AOC1: variants seen among roughly 807,000 people sequenced by gnomAD.
AOC1 encodes amine oxidase copper containing 1, also known as diamine oxidase [copper-containing].
In AOC1, 58 loss-of-function variants were observed where a neutral mutation model predicts 57.1. The ratio of observed to expected loss-of-function variants is 1.02; its 90% confidence interval spans 0.82 to 1.26. The LOEUF (loss-of-function observed/expected upper bound fraction) is 1.26, where lower values mean the gene tolerates loss of function less well. Among genes scored for constraint, AOC1 ranks in the 50% most tolerant of loss-of-function variants. The pLI, the probability that AOC1 is intolerant of heterozygous loss-of-function variation, is 0.00. For missense variants in AOC1, 917 were observed against 1,005.3 expected (o/e 0.91, Z 1.19); for synonymous variants, 401 against 423.4 (o/e 0.95, Z 0.65).
In AOC1 at chr7:150,856,309, G is replaced by GCCCCATGCATAGT; in HGVS notation, c.-16-141_-16-140insTGCATAGTCCCCA. ...GACGGCGCTGGGGACTATGCATGGG[G>GCCCCATGCATAGT]CCCCAGCTGCCCCAGGACAGCCTCC... On this transcript the variant is annotated intron_variant, in intron 1 of 4. Coordinates refer to ENST00000360937, the MANE Select transcript of AOC1 (RefSeq NM_001091.4). This position sits in a 1 kb window ranked among gnomAD's most constrained non-coding sequence, Gnocchi z 5.2. The GCCCCATGCATAGT allele has an allele frequency of 1.9e-6, 2 of 1,053,988 alleles. No individual in the cohort carries two copies. Among genetic ancestry groups the GCCCCATGCATAGT allele is most frequent in the Non-Finnish European group, 2.7e-6 (2 of 750,670 alleles). The allele number at this position is 1,053,988 out of a possible 1,614,324, so 65.3% of individuals were successfully genotyped here. A position where few individuals can be genotyped will look rare whatever the true frequency, so the allele number is the denominator to read the frequency against.
Position 150,859,050 on chromosome 7 carries a change from T to C in AOC1, c.1856+2T>C. 6.4e-7 allele frequency: 1 copy of C among 1,556,460 alleles called. No homozygotes were observed. The highest frequency in any genetic ancestry group is 2.3e-5 in the East Asian group (1 of 43,850). On this transcript the variant is annotated splice_donor_variant, in intron 3 of 4. Coordinates refer to ENST00000360937, the MANE Select transcript of AOC1 (RefSeq NM_001091.4). LOFTEE classifies it high-confidence loss of function. ...GGAGCAGGCCATCACCTGGGCAAGGTGAGGAAGACCCAGGGGGCCTGGGGG... is the reference window on the plus strand; with the variant it reads ...GGAGCAGGCCATCACCTGGGCAAGGCGAGGAAGACCCAGGGGGCCTGGGGG...
Position 150,858,973 on chromosome 7 carries a change from G to A in AOC1, c.1781G>A (p.Arg594His), listed in dbSNP as rs199683227. 41 of 1,605,910 alleles carry A rather than the reference G, an allele frequency of 2.6e-5. No individual in the cohort carries two copies. The highest frequency in any genetic ancestry group is 1.3e-4 in the East Asian group (6 of 44,692). ...ENPWGHKRTY[R>H]LQIHSMADQV... ...CCCTGGGGCCACAAGCGCACGTACC[G>A]CCTGCAGATCCACTCCATGGCCGAC... The change falls in exon 3 of 5, where the codon CGC becomes CAC. Residue 594 changes from arginine to histidine, a missense_variant. Transcript: ENST00000360937.
At position 150,856,646 on chromosome 7, in the gene AOC1, C is replaced by T. The variant is rs1194587300; in HGVS notation, c.176C>T (p.Ser59Phe). 3 of 1,614,164 alleles carry T rather than the reference C, an allele frequency of 1.9e-6. No homozygotes were observed. The highest frequency in any genetic ancestry group is 2.5e-6 in the Non-Finnish European group (3 of 1,179,996). ...AAGAAGGAGCTGAGGCTGCAGCCCT[C>T]CAGTACCACCACCATGGCCAAGAAC... ...WSKKELRLQP[S>F]STTTMAKNTV... The change falls in exon 2 of 5, where the codon TCC (serine) becomes TTC (phenylalanine). Residue 59 changes from serine (S) to phenylalanine (F), a missense_variant. Transcript: ENST00000360937. This position sits in a 1 kb window ranked among gnomAD's most constrained non-coding sequence, Gnocchi z 5.2.
rs756664341 is a variant in AOC1 at position 150,856,603 on chromosome 7, C to A, written c.133C>A (p.His45Asn). 7.4e-6 allele frequency: 12 copies of A among 1,614,152 alleles called. 1 individual carries two copies. The Middle Eastern group carries it at 4.9e-4, about 67-fold the overall frequency. ...AAGCAACCAAGAGCTGAAGGCAGTGCACAGCTTCCTCTGGTCCAAGAAGGA... is the reference window on the plus strand; with the variant it reads ...AAGCAACCAAGAGCTGAAGGCAGTGAACAGCTTCCTCTGGTCCAAGAAGGA... ...DLSNQELKAV[H>N]SFLWSKKELR... The change falls in exon 2 of 5, where the codon CAC (histidine) becomes AAC (asparagine). Residue 45 changes from histidine (H) to asparagine (N), a missense_variant. By Grantham distance (68) the His-to-Asn change is moderately conservative. Coordinates refer to ENST00000360937, the MANE Select transcript of AOC1 (RefSeq NM_001091.4). The surrounding 1 kb of genome is among the most constrained non-coding windows in gnomAD (Gnocchi z 5.2).
chr7:150,858,672 T>G, intron 2 of AOC1, 91 bp from the exon 3 acceptor site: 4 of 1,341,838 alleles, frequency 3.0e-6, no homozygotes, highest in Non-Finnish European at 3.1e-6. Context: ...GGCTGTTGGA[T>G]GTGGTGGAGG....
chr7:150,860,987 C>A lies in AOC1; in HGVS notation c.2034C>A (p.His678Gln). 6.2e-7 allele frequency: 1 copy of A among 1,614,002 alleles called. No homozygotes were observed. The highest frequency in any genetic ancestry group is 8.5e-7 in the Non-Finnish European group (1 of 1,179,974). Residue 678 changes from histidine to glutamine, a missense_variant, in exon 5 of 5, where the codon CAC becomes CAA. Physicochemically the swap from His to Gln is conservative, Grantham distance 24. Transcript: ENST00000360937. ...CGGTGGGCTTCCTGCACATCCCCCACTCAGAGGACATTCCCAACACAGCCA... is the reference window on the plus strand; with the variant it reads ...CGGTGGGCTTCCTGCACATCCCCCAATCAGAGGACATTCCCAACACAGCCA... ...WVTVGFLHIP[H>Q]SEDIPNTATP... is the part of the protein sequence containing the mutation.
intron 2 of AOC1, among the ~76,000 whole-genome samples, chr7:150,858,394 C>A (rs1799859791): frequency 6.6e-6 from 1 of 152,072 alleles, no homozygotes. Flanking sequence ...ATGATATCAC[C>A]ATAAAAGAAT....
Position 150,861,264 on chromosome 7 carries a change from G to A in AOC1, c.*55G>A. On this transcript the variant is annotated 3_prime_UTR_variant, in exon 5 of 5. Coordinates refer to ENST00000360937, the MANE Select transcript of AOC1 (RefSeq NM_001091.4). The surrounding 1 kb of genome is among the most constrained non-coding windows in gnomAD (Gnocchi z 4.5). ...CCAGGAAGCCCAGGAGCCTCACTGG[G>A]GCAGACAATAAACCCTCAGAGCCTC... is the stretch of plus-strand genomic sequence containing the variant. 5 of 1,510,714 alleles carry A rather than the reference G, an allele frequency of 3.3e-6. No homozygotes were observed. The highest frequency in any genetic ancestry group is 1.3e-5 in the South Asian group (1 of 76,376). The allele number at this position is 1,510,714 out of a possible 1,614,324, so 93.6% of individuals were successfully genotyped here. A position where few individuals can be genotyped will look rare whatever the true frequency, so the allele number is the denominator to read the frequency against.
chr7:150,853,684 TATATATA>T (rs1563087072), intron 1 of AOC1, among the ~76,000 whole-genome samples: 27 of 92,540 alleles, frequency 2.9e-4, no homozygotes, highest in Admixed American at 5.5e-4. Context: ...TATATATATA[TATATATA>T]TATATATTTA....
chr7:150,855,661 T>C (rs1005597587), intron 1 of AOC1, among the ~76,000 whole-genome samples: 1 of 152,180 alleles, frequency 6.6e-6, no homozygotes, highest in Non-Finnish European at 1.5e-5. Flanking sequence ...CCCAAAGCCA[T>C]CAGTCTGCAG....
In AOC1 at chr7:150,857,791, T is replaced by C. The variant is rs529680843; in HGVS notation, c.1321T>C (p.Phe441Leu). 54 of 1,614,170 alleles carry C rather than the reference T, an allele frequency of 3.3e-5. No homozygotes were observed. The South Asian group carries it at 5.8e-4, about 17-fold the overall frequency. The change falls in exon 2 of 5, where the codon TTC (phenylalanine) becomes CTC (leucine). Residue 441 changes from phenylalanine (F) to leucine (L), a missense_variant. Physicochemically the swap from Phe to Leu is conservative, Grantham distance 22. Coordinates refer to ENST00000360937, the MANE Select transcript of AOC1 (RefSeq NM_001091.4). This position sits in a 1 kb window ranked among gnomAD's most constrained non-coding sequence, Gnocchi z 6.6. ...FNSNFKGGFN[F>L]YAGLKGQVLV... ...TTCCAACTTTAAAGGTGGCTTCAAC[T>C]TCTATGCGGGGCTGAAGGGCCAGGT...
rs369957891 is a variant in AOC1 at position 150,856,602 on chromosome 7, G to A, written c.132G>A (p.Val44=). 10 of 1,614,016 alleles carry A rather than the reference G, an allele frequency of 6.2e-6. No individual in the cohort carries two copies. The African/African-American group carries it at 1.1e-4, about 17-fold the overall frequency. Residue 44 remains valine, a synonymous_variant, in exon 2 of 5, where the codon GTG becomes GTA. Transcript: ENST00000360937. The surrounding 1 kb of genome is among the most constrained non-coding windows in gnomAD (Gnocchi z 5.2). ...SDLSNQELKA[V]HSFLWSKKEL... Reference sequence around the variant, plus strand: ...TAAGCAACCAAGAGCTGAAGGCAGTGCACAGCTTCCTCTGGTCCAAGAAGG... The same window carrying A: ...TAAGCAACCAAGAGCTGAAGGCAGTACACAGCTTCCTCTGGTCCAAGAAGG...
At position 150,861,263 on chromosome 7, in the gene AOC1, G is replaced by C; in HGVS notation, c.*54G>C. 1 of 1,511,424 alleles carries C rather than the reference G, an allele frequency of 6.6e-7. No homozygotes were observed. The highest frequency in any genetic ancestry group is 8.9e-7 in the Non-Finnish European group (1 of 1,125,024). 93.6% of individuals were successfully genotyped at this position (1,511,424 alleles called of 1,614,324 possible). A position where few individuals can be genotyped will look rare whatever the true frequency, so the allele number is the denominator to read the frequency against. On this transcript the variant is annotated 3_prime_UTR_variant, in exon 5 of 5. Coordinates refer to ENST00000360937, the MANE Select transcript of AOC1 (RefSeq NM_001091.4). The surrounding 1 kb of genome is among the most constrained non-coding windows in gnomAD (Gnocchi z 4.5). The stretch of plus-strand genomic sequence containing the variant: ...CCCAGGAAGCCCAGGAGCCTCACTG[G>C]GGCAGACAATAAACCCTCAGAGCCT...
At position 150,861,107 on chromosome 7, in the gene AOC1, T is replaced by A. The variant is rs1381329767; in HGVS notation, c.2154T>A (p.Pro718=). 3 of 1,614,036 alleles carry A rather than the reference T, an allele frequency of 1.9e-6. No individual in the cohort carries two copies. Among genetic ancestry groups the A allele is most frequent in the Non-Finnish European group, 2.5e-6 (3 of 1,180,008 alleles). ...CCAGAGACACTGTGATCGTGTGGCC[T>A]CGGGACAACGGCCCCAACTACGTCC... is the stretch of plus-strand genomic sequence containing the variant. ...LASRDTVIVW[P]RDNGPNYVQR... Residue 718 remains proline, a synonymous_variant, in exon 5 of 5, where the codon CCT becomes CCA. Coordinates refer to ENST00000360937, the MANE Select transcript of AOC1 (RefSeq NM_001091.4). This position sits in a 1 kb window ranked among gnomAD's most constrained non-coding sequence, Gnocchi z 4.5.
Position 150,856,054 on chromosome 7 carries a change from A to C in AOC1, c.-16-401A>C, listed in dbSNP as rs1038394997. Among the ~76,000 whole-genome samples, 50 of 152,108 alleles carry C rather than the reference A, an allele frequency of 3.3e-4. No homozygotes were observed. Among genetic ancestry groups the C allele is most frequent in the African/African-American group, 1.2e-3 (49 of 41,438 alleles). On this transcript the variant is annotated intron_variant, in intron 1 of 4. Coordinates refer to ENST00000360937, the MANE Select transcript of AOC1 (RefSeq NM_001091.4). The surrounding 1 kb of genome is among the most constrained non-coding windows in gnomAD (Gnocchi z 5.2). ...CTAAAAGGTATTTCGTTGTGTCAGA[A>C]ATGTAGTTTTGCTGTTAATACAGGT...
Position 150,857,896 on chromosome 7 carries a change from G to A in AOC1, c.1426G>A (p.Glu476Lys). The change falls in exon 2 of 5, where the codon GAG becomes AAG. Residue 476 changes from glutamate (E) to lysine (K), a missense_variant. By Grantham distance (56) the Glu-to-Lys change is moderately conservative (BLOSUM62 1). Transcript: ENST00000360937. The surrounding 1 kb of genome is among the most constrained non-coding windows in gnomAD (Gnocchi z 6.6). ...TATCTTCTACCCCAACGGGGTGATGGAGGCCAAGATGCATGCCACTGGCTA... is the reference window on the plus strand; with the variant it reads ...TATCTTCTACCCCAACGGGGTGATGAAGGCCAAGATGCATGCCACTGGCTA... ...DFIFYPNGVM[E>K]AKMHATGYVH... is the part of the protein sequence containing the mutation. 1 of 1,613,598 alleles carries A rather than the reference G, an allele frequency of 6.2e-7. No homozygotes were observed. The highest frequency in any genetic ancestry group is 8.5e-7 in the Non-Finnish European group (1 of 1,179,720).
chr7:150,860,497 G>T lies in AOC1; in HGVS notation c.1857-4G>T, dbSNP rs369362976. On this transcript the variant is annotated splice_polypyrimidine_tract_variant and splice_region_variant and intron_variant, in intron 3 of 4. Transcript: ENST00000360937. ...AGCCAAGCTGCTTCGCCTGTGCCTG[G>T]CAGGTACCCCCTGGCAGTGACCAAG... is the stretch of plus-strand genomic sequence containing the variant. 3.2e-5 allele frequency: 52 copies of T among 1,613,886 alleles called. No individual in the cohort carries two copies. Among genetic ancestry groups the T allele is most frequent in the Middle Eastern group, 3.3e-4 (2 of 6,062 alleles).
At position 150,856,980 on chromosome 7, in the gene AOC1, A is replaced by T; in HGVS notation, c.510A>T (p.Thr170=). 1.2e-6 allele frequency: 2 copies of T among 1,614,138 alleles called. No homozygotes were observed. The highest frequency in any genetic ancestry group is 1.7e-6 in the Non-Finnish European group (2 of 1,179,980). Residue 170 remains threonine (T), a synonymous_variant, in exon 2 of 5, where the codon ACA becomes ACT. Transcript: ENST00000360937. The surrounding 1 kb of genome is among the most constrained non-coding windows in gnomAD (Gnocchi z 5.2). ...TGCATCAGTTCTTCCTCAATACCACAGGCTTCTCATTCCAAGACTGCCATG... is the reference window on the plus strand; with the variant it reads ...TGCATCAGTTCTTCCTCAATACCACTGGCTTCTCATTCCAAGACTGCCATG... ...KPLHQFFLNT[T]GFSFQDCHDR... is the part of the protein sequence containing the mutation.
In AOC1 at chr7:150,856,323, A is replaced by G; in HGVS notation, c.-16-132A>G. ...CTATGCATGGGGCCCCAGCTGCCCC[A>G]GGACAGCCTCCAGCTTGGGGCAGGG... On this transcript the variant is annotated intron_variant, in intron 1 of 4. Transcript: ENST00000360937. The surrounding 1 kb of genome is among the most constrained non-coding windows in gnomAD (Gnocchi z 5.2). The G allele has an allele frequency of 1.7e-6, 2 of 1,210,782 alleles. No individual in the cohort carries two copies. The highest frequency in any genetic ancestry group is 3.1e-5 in the South Asian group (2 of 63,508). 75.0% of individuals were successfully genotyped at this position (1,210,782 alleles called of 1,614,324 possible).
Sources: allele counts gnomAD v4.1 joint callset (sites outside exome capture counted in the v4.1 genomes callset), GRCh38; gene constraint gnomAD v4.1.1; non-coding constraint Gnocchi (gnomAD v3.1); transcripts MANE v1.5; gene names NCBI Gene and HGNC (gene_info 2026-07-23, HGNC 2026-07-21).